DPP6: variants seen among roughly 807,000 people sequenced by gnomAD.
DPP6 encodes A-type potassium channel modulatory protein DPP6.
In DPP6, 69 loss-of-function variants were observed where a neutral mutation model predicts 122.6. The ratio of observed to expected loss-of-function variants is 0.56; its 90% CI spans 0.46 to 0.69. DPP6 has a LOEUF of 0.69. Among genes scored for constraint, DPP6 ranks in the 30% least tolerant of loss-of-function variants. The pLI, the probability that DPP6 is intolerant of heterozygous loss-of-function variation, is 0.00. For synonymous variants in DPP6, 418 were observed against 433.1 expected (o/e 0.97, Z 0.43); for missense variants, 928 against 1,116.9 (o/e 0.83, Z 2.41).
intron 7 of DPP6, among the ~76,000 whole-genome samples, chr7:154,726,372 C>G (rs181337368): frequency 6.6e-6 from 1 of 152,196 alleles, no homozygotes; most frequent in African/African-American, 2.4e-5. Flanking sequence ...GTGGATACTC[C>G]CAAGCCTCAA....
Position 154,194,152 on chromosome 7 carries a change from T to C in DPP6, c.243+141089T>C, listed in dbSNP as rs535814942. Among the ~76,000 whole-genome samples, 62 of 152,246 alleles carry C rather than the reference T, an allele frequency of 4.1e-4. 1 individual carries two copies. The highest frequency in any genetic ancestry group is 1.5e-3 in the African/African-American group (61 of 41,550). On this transcript the variant is annotated intron_variant, in intron 1 of 25. Transcript: ENST00000377770. Reference sequence around the variant, plus strand: ...TAAGTGTTTGTCACTGTGAAACCCGTCCCATTTCCAGGTGCCGTCACTGTT... The same window carrying C: ...TAAGTGTTTGTCACTGTGAAACCCGCCCCATTTCCAGGTGCCGTCACTGTT...
intron 5 of DPP6, among the ~76,000 whole-genome samples, chr7:154,575,045 T>C (rs1831458217): frequency 7.9e-6 from 1 of 126,478 alleles, no homozygotes; most frequent in Non-Finnish European, 1.6e-5. Flanking sequence ...GTGTGTGGTG[T>C]GGTGTGTGTG....
intron 15 of DPP6, 122 bp downstream of exon 15, chr7:154,805,086 G>C (rs1673886067): frequency 2.2e-6 from 3 of 1,344,258 alleles, no homozygotes; most frequent in Non-Finnish European, 3.0e-6. Context: ...CACCACAGAG[G>C]AGTAGCTGTA....
the DPP6 span, among the ~76,000 whole-genome samples, chr7:153,848,098 G>A: frequency 1.6e-4 from 25 of 152,222 alleles, 1 homozygote; most frequent in Admixed American, 9.8e-4. Context: ...ATAGGGGACC[G>A]GGCCACTCAG....
chr7:153,850,712 A>G, the DPP6 span, among the ~76,000 whole-genome samples: 1 of 152,284 alleles, frequency 6.6e-6, no homozygotes, highest in East Asian at 1.9e-4. Flanking sequence ...GGCAGGCAAG[A>G]GCTTCTGTAG....
At position 154,119,174 on chromosome 7, in the gene DPP6, G is replaced by A. The variant is rs184947276; in HGVS notation, c.243+66111G>A. ...TCTTTCCCTATATACATATGGTTCC[G>A]AGCTAGAGCTGGCCACAGTGAAGCC... On this transcript the variant is annotated intron_variant, in intron 1 of 25. Transcript: ENST00000377770. 6.2e-3 allele frequency among the ~76,000 whole-genome samples: 941 copies of A among 152,208 alleles called. 12 individuals carry two copies. Among genetic ancestry groups the A allele is most frequent in the African/African-American group, 0.022 (903 of 41,504 alleles).
the DPP6 span, among the ~76,000 whole-genome samples, chr7:153,809,310 T>C: frequency 4.6e-5 from 7 of 152,068 alleles, no homozygotes; most frequent in Non-Finnish European, 8.8e-5. Flanking sequence ...TCTCTGCTTT[T>C]CAGTGCCTTA....
chr7:154,468,355 T>C (rs1305695244), intron 2 of DPP6, among the ~76,000 whole-genome samples: 1 of 152,186 alleles, frequency 6.6e-6, no homozygotes, highest in Non-Finnish European at 1.5e-5. Flanking sequence ...TGCTAATCTT[T>C]TGGGGGTAAT....
rs71530488 is a variant in DPP6 at position 154,004,145 on chromosome 7, T to C, written c.51+116411T>C. 4.6e-3 allele frequency among the ~76,000 whole-genome samples: 695 copies of C among 150,448 alleles called. 1 individual carries two copies. Among genetic ancestry groups the C allele is most frequent in the African/African-American group, 0.015 (609 of 39,796 alleles). The stretch of plus-strand genomic sequence containing the variant: ...AGTGGATAGTCATGACCTGCTTTTA[T>C]CCTCACTGTCAATGTTTTTCTTTCC... On this transcript the variant is annotated intron_variant, in intron 1 of 25. Coordinates refer to the DPP6 transcript ENST00000404039.
chr7:154,263,509 C>T (rs2150919558), intron 1 of DPP6, among the ~76,000 whole-genome samples: 1 of 152,274 alleles, frequency 6.6e-6, no homozygotes, highest in Non-Finnish European at 1.5e-5. Flanking sequence ...GAAATTGATC[C>T]TGAGATGTGG....
At chr7:154,659,447 A>T (rs975824733) in intron 6 of DPP6, among the ~76,000 whole-genome samples, 1 of 152,254 alleles carries the variant, frequency 6.6e-6, no homozygotes, top group Non-Finnish European at 1.5e-5. Context: ...ATTATATTGC[A>T]TGGTCAAATT....
chr7:154,446,283 G>C lies in DPP6; in HGVS notation c.313G>C (p.Val105Leu). 6.2e-7 allele frequency: 1 copy of C among 1,612,412 alleles called. No individual in the cohort carries two copies. ...AGCAATTGCACTGCTTGTCATTCTGGTCATCTGCTCCTTGATCGTCACCTC... is the reference window on the plus strand; with the variant it reads ...AGCAATTGCACTGCTTGTCATTCTGCTCATCTGCTCCTTGATCGTCACCTC... ...GIAIALLVIL[V>L]ICSLIVTSVI... The change falls in exon 2 of 26, where the codon GTC becomes CTC. Residue 105 changes from valine to leucine, a missense_variant. Val to Leu is a conservative substitution (Grantham distance 32). Transcript: ENST00000377770.
At chr7:154,283,491 A>G (rs888973306) in intron 1 of DPP6, among the ~76,000 whole-genome samples, 1 of 152,234 alleles carries the variant, frequency 6.6e-6, no homozygotes, top group African/African-American at 2.4e-5. Context: ...CAAGAATTTG[A>G]TGAGTACCTG....
intron 1 of DPP6, among the ~76,000 whole-genome samples, chr7:154,343,005 A>G (rs959797455): frequency 2.0e-5 from 3 of 152,228 alleles, no homozygotes; most frequent in Non-Finnish European, 2.9e-5. Context: ...AGGCATTTCA[A>G]ACCATCTCGC....
chr7:154,556,605 A>C (rs1391670048), intron 4 of DPP6, among the ~76,000 whole-genome samples: 2 of 152,218 alleles, frequency 1.3e-5, no homozygotes, highest in Admixed American at 6.6e-5. Context: ...TCATAAAAAG[A>C]GAGAAATTTT....
intron 5 of DPP6, among the ~76,000 whole-genome samples, chr7:154,568,204 AT>A (rs1830884744): frequency 6.6e-6 from 1 of 152,248 alleles, no homozygotes; most frequent in Non-Finnish European, 1.5e-5. Flanking sequence ...GTCATAGACC[AT>A]TTCAGCTTCC....
chr7:154,179,654 G>T (rs982649445), intron 1 of DPP6, among the ~76,000 whole-genome samples: 3 of 152,108 alleles, frequency 2.0e-5, no homozygotes, highest in Non-Finnish European at 2.9e-5. Context: ...CAGGCTTATG[G>T]CCTTGGTCAT....
intron 8 of DPP6, among the ~76,000 whole-genome samples, chr7:154,733,597 G>A (rs73498026): frequency 6.6e-6 from 1 of 152,230 alleles, no homozygotes; most frequent in Non-Finnish European, 1.5e-5. Context: ...AATTTTGGGG[G>A]TGGGGCAATT....
chr7:154,370,004 A>ATTTATTTATT (rs1209483471), intron 1 of DPP6, among the ~76,000 whole-genome samples: 1 of 75,298 alleles, frequency 1.3e-5, no homozygotes. Context: ...ATTTATTTAG[A>ATTTATTTATT]TAGAGTCTCA....
Sources: gnomAD v4.1 joint callset for allele counts (sites outside exome capture counted in the v4.1 genomes callset) on GRCh38, gnomAD v4.1.1 for gene constraint, MANE v1.5 for transcripts, NCBI Gene and HGNC (gene_info 2026-07-23, HGNC 2026-07-21) for gene names.